Variants in BBS9 observed in about 807,000 individuals in gnomAD.
The protein encoded by BBS9 is protein PTHB1.
BBS9 carries 89 observed loss-of-function variants against 117.7 expected under a neutral mutation model. That is an observed-to-expected ratio of 0.76 (90% CI 0.64 to 0.90). The LOEUF is 0.90. Ranked by LOEUF, BBS9 falls within the 40% of genes least tolerant of loss-of-function variation. The pLI is 0.00. For missense variants in BBS9, 982 were observed against 1,042.2 expected, an observed-to-expected ratio of 0.94 and a Z score of 0.80; for synonymous variants, 379 against 370.9, an observed-to-expected ratio of 1.02 and a Z score of -0.25.
intron 17 of BBS9, among the ~76,000 whole-genome samples, chr7:33,381,508 T>C (rs938338637): frequency 2.0e-5 from 3 of 152,162 alleles, no homozygotes; most frequent in African/African-American, 7.2e-5. Context: ...TGGATAAGAC[T>C]AGATTTAAAA....
intron 19 of BBS9, among the ~76,000 whole-genome samples, chr7:33,392,351 G>A (rs1827206545): frequency 6.6e-6 from 1 of 152,166 alleles, no homozygotes; most frequent in Non-Finnish European, 1.5e-5. Context: ...CTCAGCTCGG[G>A]ACTGGATAGC....
intron 9 of BBS9, among the ~76,000 whole-genome samples, chr7:33,309,179 T>C (rs1187065023): frequency 6.6e-6 from 1 of 152,192 alleles, no homozygotes; most frequent in African/African-American, 2.4e-5. Context: ...ATGCCTGGAT[T>C]GCAGGAGGAT....
chr7:33,605,097 C>T, intron 22 of BBS9, 98 bp from the exon 23 acceptor site: 1 of 1,462,120 alleles, frequency 6.8e-7, no homozygotes, highest in Non-Finnish European at 9.6e-7. Flanking sequence ...CTTCATTCTT[C>T]CCCTTAGCAC....
downstream of BBS9, among the ~76,000 whole-genome samples, chr7:33,609,909 C>G (rs1442960612): frequency 1.3e-5 from 2 of 152,014 alleles, no homozygotes; most frequent in Non-Finnish European, 2.9e-5. Context: ...CCAGTTAGCC[C>G]AAGTTGAATG....
intron 19 of BBS9, among the ~76,000 whole-genome samples, chr7:33,411,011 G>GTTTTTTTTTTTTTTTTTT (rs765425062): frequency 5.2e-5 from 5 of 96,430 alleles, no homozygotes; most frequent in African/African-American, 1.7e-4. Context: ...AAATGTTGGT[G>GTTTTTTTTTTTTTTTTTT]TTTTTTTTTT....
chr7:33,329,646 A>T (rs2128606292), intron 9 of BBS9, among the ~76,000 whole-genome samples: 1 of 152,294 alleles, frequency 6.6e-6, no homozygotes, highest in African/African-American at 2.4e-5. Context: ...AGATTACTGC[A>T]TAAAAGACAA....
intron 20 of BBS9, among the ~76,000 whole-genome samples, chr7:33,514,805 T>C (rs1387099202): frequency 1.3e-5 from 2 of 152,220 alleles, no homozygotes; most frequent in East Asian, 1.9e-4. Flanking sequence ...GTTTTGGTTC[T>C]TAATTACTGA....
chr7:33,466,579 G>T (rs1457553734), intron 19 of BBS9, among the ~76,000 whole-genome samples: 1 of 152,074 alleles, frequency 6.6e-6, no homozygotes, highest in Non-Finnish European at 1.5e-5. Context: ...TCTGTCTGCA[G>T]ACACTTCGGT....
intron 22 of BBS9, 28 bp from the exon 23 acceptor site, chr7:33,605,167 C>T (rs766209156): frequency 1.9e-6 from 3 of 1,598,666 alleles, no homozygotes; most frequent in Non-Finnish European, 2.6e-6. Context: ...TTTTCTCTCT[C>T]TTTCTCTCTT....
At chr7:33,152,662 G>T (rs761920074) in intron 2 of BBS9, 39 bp from the exon 3 acceptor site, 14 of 1,562,198 alleles carry the variant, frequency 9.0e-6, no homozygotes, top group Non-Finnish European at 1.1e-5. Context: ...GCTAATGTTT[G>T]TTTCTCCCTC....
chr7:33,217,399 A>C (rs981589134), intron 5 of BBS9, among the ~76,000 whole-genome samples: 1 of 152,132 alleles, frequency 6.6e-6, no homozygotes, highest in African/African-American at 2.4e-5. Flanking sequence ...TTTTTTTGAC[A>C]TTCAGCATTT....
At chr7:33,360,913 G>A (rs145704311) in intron 16 of BBS9, among the ~76,000 whole-genome samples, 53 of 152,186 alleles carry the variant, frequency 3.5e-4, no homozygotes, top group African/African-American at 1.1e-3. Context: ...GAAATACCTA[G>A]CATTTTTTCT....
At chr7:33,237,684 A>C (rs1179261411) in intron 5 of BBS9, among the ~76,000 whole-genome samples, 1 of 152,174 alleles carries the variant, frequency 6.6e-6, no homozygotes, top group Non-Finnish European at 1.5e-5. Flanking sequence ...CTTCTTCAAC[A>C]ACCATTTAAA....
At chr7:33,463,474 C>T (rs78632914) in intron 19 of BBS9, among the ~76,000 whole-genome samples, 344 of 152,050 alleles carry the variant, frequency 2.3e-3, no homozygotes, top group African/African-American at 8.0e-3. Context: ...AAAATATTTC[C>T]TTGTTACAAT....
intron 21 of BBS9, among the ~76,000 whole-genome samples, chr7:33,565,509 G>A (rs1278245696): frequency 1.3e-5 from 2 of 151,984 alleles, no homozygotes; most frequent in Non-Finnish European, 2.9e-5. Context: ...TTATTCAGTA[G>A]TTTATTTTCT....
intron 9 of BBS9, among the ~76,000 whole-genome samples, chr7:33,316,028 G>A (rs374175139): frequency 2.6e-5 from 4 of 152,070 alleles, no homozygotes; most frequent in Non-Finnish European, 4.4e-5. Context: ...ACAAATGGTT[G>A]TATCTGTCTC....
At chr7:33,508,977 A>G (rs1585063886) in intron 20 of BBS9, among the ~76,000 whole-genome samples, 1 of 152,158 alleles carries the variant, frequency 6.6e-6, no homozygotes, top group Non-Finnish European at 1.5e-5. Flanking sequence ...GCCCCTTTCT[A>G]CCCTGCCTGT....
chr7:33,202,347 T>C (rs917420581), intron 5 of BBS9, among the ~76,000 whole-genome samples: 3 of 152,190 alleles, frequency 2.0e-5, no homozygotes, highest in Non-Finnish European at 4.4e-5. Context: ...CCAGTGTTTG[T>C]TAGAGATGTT....
intron 21 of BBS9, among the ~76,000 whole-genome samples, chr7:33,633,510 CTTTTT>C (rs894796851): frequency 1.0e-5 from 1 of 98,462 alleles, no homozygotes; most frequent in African/African-American, 3.8e-5. Flanking sequence ...TAACTTTTTT[CTTTTT>C]TTTTTTTTTT....
Sources: allele counts gnomAD v4.1 joint callset (sites outside exome capture counted in the v4.1 genomes callset), GRCh38; gene constraint gnomAD v4.1.1; transcripts MANE v1.5; gene names NCBI Gene and HGNC (gene_info 2026-07-23, HGNC 2026-07-21).